DSCAML1: variants seen among roughly 807,000 people sequenced by gnomAD.
The protein encoded by DSCAML1 is DS cell adhesion molecule like 1.
Under a neutral mutation model 200.5 loss-of-function variants are expected in DSCAML1, and 38 were observed. The observed-to-expected ratio is 0.19, with a 90% CI of 0.15 to 0.25. DSCAML1 has a LOEUF of 0.25. Ranked by LOEUF, DSCAML1 falls within the 10% of genes least tolerant of loss-of-function variation. DSCAML1 has a pLI of 1.00. For missense variants in DSCAML1, 2,223 were observed against 2,858.8 expected (o/e 0.78, Z 5.07); for synonymous variants, 1,215 against 1,165.0 (o/e 1.04, Z -0.87).
chr11:117,588,485 T>G (rs555863901), intron 3 of DSCAML1, among the ~76,000 whole-genome samples: 2 of 152,240 alleles, frequency 1.3e-5, no homozygotes, highest in South Asian at 4.1e-4. Flanking sequence ...CAAAGTCCCC[T>G]CCCCTGCAGT....
intron 3 of DSCAML1, among the ~76,000 whole-genome samples, chr11:117,657,077 C>T (rs758153224): frequency 5.9e-5 from 9 of 152,110 alleles, no homozygotes; most frequent in South Asian, 2.1e-4. Flanking sequence ...GGCTGCAGGG[C>T]GCTCCACAGG....
At chr11:117,631,973 G>A (rs1000183837) in intron 3 of DSCAML1, among the ~76,000 whole-genome samples, 2 of 152,198 alleles carry the variant, frequency 1.3e-5, no homozygotes, top group African/African-American at 4.8e-5. Flanking sequence ...CCTCTCTCTT[G>A]CAGATAAGAA....
chr11:117,485,294 T>C (rs1017133300), intron 11 of DSCAML1, among the ~76,000 whole-genome samples: 4 of 152,216 alleles, frequency 2.6e-5, no homozygotes, highest in Admixed American at 2.0e-4. Flanking sequence ...CCAGGGATCC[T>C]TGGCCCCTCA....
intron 3 of DSCAML1, among the ~76,000 whole-genome samples, chr11:117,606,164 T>C (rs1258506595): frequency 6.6e-6 from 1 of 152,148 alleles, no homozygotes; most frequent in African/African-American, 2.4e-5. Flanking sequence ...AGGTGAGCTA[T>C]GGGTTGAGGG....
chr11:117,465,674 C>T (rs757570340), intron 16 of DSCAML1, among the ~76,000 whole-genome samples: 2 of 152,108 alleles, frequency 1.3e-5, no homozygotes, highest in South Asian at 2.1e-4. Context: ...ACTGTGAGGA[C>T]GCTTTGTTAC....
rs2049433187 is a variant in DSCAML1 at position 117,503,335 on chromosome 11, CTG to C, written c.2359+508_2359+509del. 6.6e-6 allele frequency among the ~76,000 whole-genome samples: 1 copy of C among 152,142 alleles called. No individual in the cohort carries two copies. Among genetic ancestry groups the C allele is most frequent in the Non-Finnish European group, 1.5e-5 (1 of 68,020 alleles). On this transcript the variant is annotated intron_variant, in intron 11 of 32. Transcript: ENST00000651296. This position sits in a 1 kb window ranked among gnomAD's most constrained non-coding sequence, Gnocchi z 5.2. ...GGGAACCCTCGTACAGGTGAGGAAA[CTG>C]GAGCACAGGGAGGGGGAGTGACTCG...
intron 3 of DSCAML1, among the ~76,000 whole-genome samples, chr11:117,652,047 T>G (rs2052644247): frequency 6.6e-6 from 1 of 152,194 alleles, no homozygotes; most frequent in Admixed American, 6.5e-5. Flanking sequence ...TGGCCTTGCC[T>G]CCTCCTTGCA....
intron 3 of DSCAML1, among the ~76,000 whole-genome samples, chr11:117,619,028 C>A (rs2051870449): frequency 6.6e-6 from 1 of 152,190 alleles, no homozygotes; most frequent in African/African-American, 2.4e-5. Context: ...GCTCAGTGAG[C>A]CAATTCCTGA....
At chr11:117,706,171 C>A (rs188433754) in intron 3 of DSCAML1, among the ~76,000 whole-genome samples, 360 of 152,354 alleles carry the variant, frequency 2.4e-3, no homozygotes, top group Non-Finnish European at 4.3e-3. Context: ...CCAAAATCAC[C>A]TCTCGCAGGA....
At chr11:117,645,204 A>T (rs2052498143) in intron 3 of DSCAML1, among the ~76,000 whole-genome samples, 1 of 152,188 alleles carries the variant, frequency 6.6e-6, no homozygotes, top group African/African-American at 2.4e-5. Context: ...AAAGGATCTC[A>T]GGGGCCCTAG....
intron 3 of DSCAML1, among the ~76,000 whole-genome samples, chr11:117,669,324 G>A (rs1370387011): frequency 8.5e-5 from 13 of 152,232 alleles, no homozygotes; most frequent in Admixed American, 8.5e-4. Flanking sequence ...GGGCCCTCGG[G>A]CTGGCTCTGA....
intron 3 of DSCAML1, among the ~76,000 whole-genome samples, chr11:117,576,478 T>G (rs2050935429): frequency 6.6e-6 from 1 of 152,184 alleles, no homozygotes; most frequent in African/African-American, 2.4e-5. Flanking sequence ...CCAGTTCCCT[T>G]CACTTTACCA....
At chr11:117,653,343 A>C (rs1357917915) in intron 3 of DSCAML1, among the ~76,000 whole-genome samples, 1 of 152,166 alleles carries the variant, frequency 6.6e-6, no homozygotes. Flanking sequence ...GGAGGCCAGC[A>C]CTGGTCTTTA....
chr11:117,685,095 C>T (rs1192870803), intron 3 of DSCAML1, among the ~76,000 whole-genome samples: 1 of 152,218 alleles, frequency 6.6e-6, no homozygotes, highest in Non-Finnish European at 1.5e-5. Flanking sequence ...CATCGAGGCA[C>T]CTAGGGATCT....
Position 117,673,353 on chromosome 11 carries a change from C to T in DSCAML1, c.511+103438G>A, listed in dbSNP as rs186200893. Among the ~76,000 whole-genome samples, 13 of 152,270 alleles carry T rather than the reference C, an allele frequency of 8.5e-5. No homozygotes were observed. In the East Asian group the frequency reaches 2.3e-3, roughly 27 times the overall value. On this transcript the variant is annotated intron_variant, in intron 3 of 32. Transcript: ENST00000651296. ...CGTTAAGCATCTTCCTGAGCCAGCTCCTGGGTGGACTTCTCCAACCAGAAG... is the reference window on the plus strand; with the variant it reads ...CGTTAAGCATCTTCCTGAGCCAGCTTCTGGGTGGACTTCTCCAACCAGAAG...
chr11:117,559,730 G>A (rs1256425337), intron 3 of DSCAML1, among the ~76,000 whole-genome samples: 1 of 152,148 alleles, frequency 6.6e-6, no homozygotes, highest in Non-Finnish European at 1.5e-5. Context: ...GACCACAGGT[G>A]TCCCTGGGCT....
In DSCAML1 at chr11:117,816,801, G is replaced by GT. The variant is rs1034517443; in HGVS notation, c.-250+588_-250+589insA. 3.7e-5 allele frequency among the ~76,000 whole-genome samples: 4 copies of GT among 109,246 alleles called. No individual in the cohort carries two copies. The East Asian group carries it at 1.1e-3, about 31-fold the overall frequency. The allele number at this position is 109,246 out of a possible 152,430, so 71.7% of individuals were successfully genotyped here. ...AAGAGAGAGAGTTCGGAATTGCTGG[G>GT]GGGGTGGGGTGGAGATTTCTCCTGA... On this transcript the variant is annotated intron_variant, in intron 1 of 2. Coordinates refer to the DSCAML1 transcript ENST00000525836.
At chr11:117,720,530 T>C (rs571220688) in intron 3 of DSCAML1, among the ~76,000 whole-genome samples, 1 of 152,264 alleles carries the variant, frequency 6.6e-6, no homozygotes, top group African/African-American at 2.4e-5. Flanking sequence ...AACACGCGAA[T>C]GAAGGGGGTA....
chr11:117,515,546 C>G (rs1228369363), intron 8 of DSCAML1, among the ~76,000 whole-genome samples: 1 of 150,780 alleles, frequency 6.6e-6, no homozygotes, highest in Admixed American at 6.6e-5. Flanking sequence ...GAGCGGCTAC[C>G]CAGGACCAGG....
Sources: gnomAD v4.1 joint callset for allele counts (sites outside exome capture counted in the v4.1 genomes callset) on GRCh38, gnomAD v4.1.1 for gene constraint, Gnocchi (gnomAD v3.1) non-coding constraint, MANE v1.5 for transcripts, NCBI Gene and HGNC (gene_info 2026-07-23, HGNC 2026-07-21) for gene names.